LMBRD1: variants seen among roughly 807,000 people sequenced by gnomAD.
LMBRD1 encodes the protein LMBR1 domain containing 1, also known as lysosomal cobalamin transport escort protein LMBD1.
Under a neutral mutation model 74.8 loss-of-function variants are expected in LMBRD1, and 64 were observed. The ratio of observed to expected loss-of-function variants is 0.86; its 90% confidence interval spans 0.70 to 1.05. The LOEUF (loss-of-function observed/expected upper bound fraction) is 1.05. Ranked by LOEUF, LMBRD1 falls within the 50% of genes least tolerant of loss-of-function variation. The pLI, the probability that LMBRD1 is intolerant of heterozygous loss-of-function variation, is 0.00. For synonymous variants in LMBRD1, 204 were observed against 216.3 expected, an observed-to-expected ratio of 0.94 and a Z score of 0.50; for missense variants, 652 against 645.9, an observed-to-expected ratio of 1.01 and a Z score of -0.10.
rs1562097884 is a variant in LMBRD1 at position 69,719,080 on chromosome 6, G to A, written c.638C>T (p.Ala213Val). The part of the protein sequence containing the change: ...IGMLAAITYT[A>V]YGMSALPLNL... ...TAAAGGTAACGCAGACATGCCATAG[G>A]CCTAAAAGAAAAACAATTGAAATGT... Residue 213 changes from alanine (A) to valine (V), a missense_variant and splice_region_variant, in exon 8 of 16, where the codon GCC becomes GTC. Coordinates refer to ENST00000649934, the MANE Select transcript of LMBRD1 (RefSeq NM_018368.4). 1.2e-6 allele frequency: 2 copies of A among 1,612,036 alleles called. No individual in the cohort carries two copies. Among genetic ancestry groups the A allele is most frequent in the East Asian group, 2.2e-5 (1 of 44,796 alleles).
chr6:69,711,782 C>G (rs1270342313), intron 9 of LMBRD1, among the ~76,000 whole-genome samples: 1 of 151,968 alleles, frequency 6.6e-6, no homozygotes, highest in African/African-American at 2.4e-5. Context: ...AAAGCAGCAC[C>G]CAAATTGAAC....
At chr6:69,703,477 AT>A (rs1361738591) in intron 9 of LMBRD1, among the ~76,000 whole-genome samples, 1 of 151,760 alleles carries the variant, frequency 6.6e-6, no homozygotes, top group Non-Finnish European at 1.5e-5. Flanking sequence ...AAAATTTAAA[AT>A]TAAAAAAAAA....
chr6:69,786,037 C>G (rs1190852628), intron 2 of LMBRD1, among the ~76,000 whole-genome samples: 1 of 152,182 alleles, frequency 6.6e-6, no homozygotes, highest in Non-Finnish European at 1.5e-5. Flanking sequence ...TGACTAGACT[C>G]TCATATCAAT....
At chr6:69,695,749 T>C (rs1765982074) in intron 14 of LMBRD1, among the ~76,000 whole-genome samples, 1 of 152,124 alleles carries the variant, frequency 6.6e-6, no homozygotes, top group Admixed American at 6.6e-5. Flanking sequence ...GCTAACTGTA[T>C]ACCCAACTGC....
rs1375092468 is a variant in LMBRD1 at position 69,695,118 on chromosome 6, C to G, written c.1417+2445G>C. Among the ~76,000 whole-genome samples, 2 of 152,034 alleles carry G rather than the reference C, an allele frequency of 1.3e-5. 1 individual carries two copies. The highest frequency in any genetic ancestry group is 4.1e-4 in the South Asian group (2 of 4,822). On this transcript the variant is annotated intron_variant, in intron 14 of 15. Coordinates refer to ENST00000649934, the MANE Select transcript of LMBRD1 (RefSeq NM_018368.4). ...CCTCATTCTATCTAAAGCATTCTGTCCTGGATATTAATACCATATTGCGCA... is the reference window on the plus strand; with the variant it reads ...CCTCATTCTATCTAAAGCATTCTGTGCTGGATATTAATACCATATTGCGCA...
chr6:69,717,606 G>GT (rs1162646353), intron 8 of LMBRD1, among the ~76,000 whole-genome samples: 1 of 152,086 alleles, frequency 6.6e-6, no homozygotes, highest in Admixed American at 6.5e-5. Context: ...ATTTTCTGAT[G>GT]TATCATGTTT....
At chr6:69,776,984 T>TA (rs1243575274) in intron 3 of LMBRD1, among the ~76,000 whole-genome samples, 2 of 151,764 alleles carry the variant, frequency 1.3e-5, no homozygotes, top group African/African-American at 2.4e-5. Context: ...CCATCTCTAC[T>TA]AAAAAATACA....
intron 5 of LMBRD1, chr6:69,745,972 G>T: frequency 4.2e-6 from 1 of 236,242 alleles, no homozygotes; most frequent in South Asian, 6.8e-5. Context: ...TGCCATCACT[G>T]ACCCTTCAGT....
In LMBRD1 at chr6:69,796,911, G is replaced by A. The variant is rs754580648; in HGVS notation, c.-30C>T. On this transcript the variant is annotated 5_prime_UTR_variant, in exon 1 of 16. Coordinates refer to ENST00000649934, the MANE Select transcript of LMBRD1 (RefSeq NM_018368.4). Reference sequence around the variant, plus strand: ...GCTTCCGGTCCAGACCAACCTGAGCGCCCGGGGTGGGGAAAGGGGAGGGGG... The same window carrying A: ...GCTTCCGGTCCAGACCAACCTGAGCACCCGGGGTGGGGAAAGGGGAGGGGG... The A allele has an allele frequency of 1.9e-6, 3 of 1,606,662 alleles. No homozygotes were observed. Among genetic ancestry groups the A allele is most frequent in the Non-Finnish European group, 2.6e-6 (3 of 1,174,320 alleles).
chr6:69,763,371 T>G (rs1320678469), intron 3 of LMBRD1, among the ~76,000 whole-genome samples: 2 of 151,722 alleles, frequency 1.3e-5, no homozygotes. Flanking sequence ...GATAATTAGA[T>G]TAGTGAAGAT....
intron 3 of LMBRD1, among the ~76,000 whole-genome samples, chr6:69,764,699 C>T (rs1457495): frequency 0.12 from 17,817 of 152,036 alleles, 2,898 homozygotes; most frequent in African/African-American, 0.36. Context: ...TGGTAAGATA[C>T]ATTTTGAATA....
chr6:69,783,798 A>G (rs1438737923), intron 2 of LMBRD1, among the ~76,000 whole-genome samples: 1 of 152,214 alleles, frequency 6.6e-6, no homozygotes, highest in African/African-American at 2.4e-5. Context: ...CCCAGGAGGT[A>G]GTAATGTCTC....
At chr6:69,700,565 G>T (rs371066894) in intron 12 of LMBRD1, among the ~76,000 whole-genome samples, 200 bp downstream of exon 12, 1 of 151,542 alleles carries the variant, frequency 6.6e-6, no homozygotes, top group Non-Finnish European at 1.5e-5. Context: ...AATGTTTCCG[G>T]GGGGCAAAAT....
At chr6:69,744,994 C>T (rs1446126585) in intron 5 of LMBRD1, among the ~76,000 whole-genome samples, 1 of 151,940 alleles carries the variant, frequency 6.6e-6, no homozygotes, top group Admixed American at 6.6e-5. Context: ...AGGCGCGCAC[C>T]ACTATGCCCA....
At chr6:69,708,970 C>G (rs1284971665) in intron 9 of LMBRD1, among the ~76,000 whole-genome samples, 2 of 152,166 alleles carry the variant, frequency 1.3e-5, no homozygotes, top group Non-Finnish European at 2.9e-5. Context: ...CGTAGTGGCT[C>G]AAGCCTGTAA....
At chr6:69,749,775 C>A (rs574518540) in intron 4 of LMBRD1, among the ~76,000 whole-genome samples, 165 of 150,264 alleles carry the variant, frequency 1.1e-3, no homozygotes, top group African/African-American at 3.9e-3. Context: ...TGGTTTATAA[C>A]AATAATAAAC....
At chr6:69,730,833 A>G (rs1766839901) in intron 7 of LMBRD1, among the ~76,000 whole-genome samples, 1 of 152,120 alleles carries the variant, frequency 6.6e-6, no homozygotes, top group South Asian at 2.1e-4. Flanking sequence ...TAAGCTTAAG[A>G]AAGGAAGATA....
chr6:69,773,846 G>C (rs149971677), intron 3 of LMBRD1, among the ~76,000 whole-genome samples: 1,997 of 152,200 alleles, frequency 0.013, 42 homozygotes, highest in African/African-American at 0.046. Flanking sequence ...ATAAACTACG[G>C]TATGTTAATA....
intron 7 of LMBRD1, among the ~76,000 whole-genome samples, chr6:69,731,008 C>T (rs941109756): frequency 2.0e-5 from 3 of 152,088 alleles, no homozygotes; most frequent in Admixed American, 1.3e-4. Context: ...AAAAGCTGCA[C>T]ATCAATTCTC....
Sources: gnomAD v4.1 joint callset for allele counts (sites outside exome capture counted in the v4.1 genomes callset) on GRCh38, gnomAD v4.1.1 for gene constraint, MANE v1.5 for transcripts, NCBI Gene and HGNC (gene_info 2026-07-23, HGNC 2026-07-21) for gene names.